Variants in C1GALT1 observed in about 807,000 individuals in gnomAD.
C1GALT1 encodes the protein core 1 synthase, glycoprotein-N-acetylgalactosamine 3-beta-galactosyltransferase 1, also known as glycoprotein-N-acetylgalactosamine 3-beta-galactosyltransferase 1.
Under a neutral mutation model 31.0 loss-of-function variants are expected in C1GALT1, and 11 were observed. The ratio of observed to expected loss-of-function variants is 0.36; its 90% confidence interval spans 0.22 to 0.59. The LOEUF (loss-of-function observed/expected upper bound fraction) is 0.59, where lower values mean the gene tolerates loss of function less well. Among genes scored for constraint, C1GALT1 ranks in the 20% least tolerant of loss-of-function variants. The pLI is 0.79. For missense variants in C1GALT1, 424 were observed against 425.2 expected, an observed-to-expected ratio of 1.00 and a Z score of 0.03; for synonymous variants, 175 against 143.6, an observed-to-expected ratio of 1.22 and a Z score of -1.56.
chr7:7,207,359 TTTTTTTG>T (rs1326444814), intron 1 of C1GALT1, among the ~76,000 whole-genome samples: 2 of 99,110 alleles, frequency 2.0e-5, no homozygotes, highest in African/African-American at 8.7e-5. Context: ...TTTTTTTTTT[TTTTTTTG>T]AGGTCTCACT....
At chr7:7,240,872 T>C (rs1200642187) in intron 3 of C1GALT1, among the ~76,000 whole-genome samples, 1 of 152,102 alleles carries the variant, frequency 6.6e-6, no homozygotes, top group Non-Finnish European at 1.5e-5. Context: ...ATCTTATACA[T>C]ACTTTTTTTT....
At chr7:7,236,107 A>G (rs1783329577) in intron 2 of C1GALT1, among the ~76,000 whole-genome samples, 1 of 152,186 alleles carries the variant, frequency 6.6e-6, no homozygotes, top group Admixed American at 6.5e-5. Flanking sequence ...CCTTCAGCAC[A>G]TTGAATCCTT....
chr7:7,158,643 TTATA>T (rs1167229956), intron 2 of C1GALT1, among the ~76,000 whole-genome samples: 1 of 151,084 alleles, frequency 6.6e-6, no homozygotes, highest in Non-Finnish European at 1.5e-5. Flanking sequence ...ATGTATCTAT[TTATA>T]TATGTATGCA....
intron 1 of C1GALT1, among the ~76,000 whole-genome samples, chr7:7,207,633 T>G (rs1443453199): frequency 6.6e-6 from 1 of 152,096 alleles, no homozygotes; most frequent in African/African-American, 2.4e-5. Flanking sequence ...AGGGACAATT[T>G]GTTAGTTTAT....
At chr7:7,168,051 A>G (rs1475258154) in intron 2 of C1GALT1, among the ~76,000 whole-genome samples, 1 of 152,228 alleles carries the variant, frequency 6.6e-6, no homozygotes, top group Admixed American at 6.5e-5. Context: ...GGAATGAACA[A>G]ATTCATGAAT....
intron 1 of C1GALT1, among the ~76,000 whole-genome samples, chr7:7,224,865 T>C (rs1354171564): frequency 2.6e-5 from 4 of 151,908 alleles, no homozygotes; most frequent in Non-Finnish European, 5.9e-5. Flanking sequence ...CATAGTGTAT[T>C]TAAGTGTATT....
At chr7:7,242,458 A>C (rs1353397735) in intron 3 of C1GALT1, among the ~76,000 whole-genome samples, 1 of 152,094 alleles carries the variant, frequency 6.6e-6, no homozygotes, top group African/African-American at 2.4e-5. Context: ...ATTTTTACAC[A>C]CTGTAAGCTA....
At chr7:7,195,559 C>T (rs1241227968) in intron 1 of C1GALT1, among the ~76,000 whole-genome samples, 1 of 151,990 alleles carries the variant, frequency 6.6e-6, no homozygotes, top group Non-Finnish European at 1.5e-5. Context: ...TTTTGATTTT[C>T]TTAAATTTGT....
At chr7:7,198,637 G>C (rs1781402802) in intron 1 of C1GALT1, among the ~76,000 whole-genome samples, 1 of 152,162 alleles carries the variant, frequency 6.6e-6, no homozygotes, top group Non-Finnish European at 1.5e-5. Context: ...ACCTCTGGTA[G>C]AATTCGGCTG....
At chr7:7,231,887 T>C (rs1783091334) in intron 1 of C1GALT1, among the ~76,000 whole-genome samples, 1 of 152,192 alleles carries the variant, frequency 6.6e-6, no homozygotes, top group Admixed American at 6.5e-5. Context: ...GATCATCCAG[T>C]CAGTGGCTGA....
At chr7:7,206,871 T>C (rs1359233109) in intron 1 of C1GALT1, among the ~76,000 whole-genome samples, 5 of 152,194 alleles carry the variant, frequency 3.3e-5, no homozygotes, top group Non-Finnish European at 1.5e-5. Context: ...ATTAGTTACT[T>C]CTTTCAGCTT....
upstream of C1GALT1, among the ~76,000 whole-genome samples, chr7:7,180,721 T>C (rs999902011): frequency 6.6e-6 from 1 of 152,212 alleles, no homozygotes; most frequent in South Asian, 2.1e-4. Context: ...GCATGTATTG[T>C]TTTTATAAAA....
chr7:7,244,496 T>A lies in C1GALT1; in HGVS notation c.*769T>A, dbSNP rs1163702338. The A allele has an allele frequency of 1.3e-5, 2 of 152,194 alleles. No homozygotes were observed. Among genetic ancestry groups the A allele is most frequent in the African/African-American group, 4.8e-5 (2 of 41,454 alleles). The allele number at this position is 152,194 out of a possible 1,614,324, so 9.4% of individuals were successfully genotyped here. ...AATTTACTCAAACCGTTCATAGCAT[T>A]CTGTAAACATGTATTTTACATATTT... On this transcript the variant is annotated 3_prime_UTR_variant, in exon 4 of 4. Coordinates refer to ENST00000436587, the MANE Select transcript of C1GALT1 (RefSeq NM_020156.5).
At chr7:7,191,835 G>C (rs982993455) in intron 1 of C1GALT1, among the ~76,000 whole-genome samples, 1 of 151,844 alleles carries the variant, frequency 6.6e-6, no homozygotes, top group African/African-American at 2.4e-5. Context: ...TTTTTTGTTT[G>C]AGTTTTAGGA....
chr7:7,217,094 A>G (rs1336695215), intron 1 of C1GALT1, among the ~76,000 whole-genome samples: 1 of 152,208 alleles, frequency 6.6e-6, no homozygotes, highest in Non-Finnish European at 1.5e-5. Flanking sequence ...TCCGCTGCAT[A>G]CTTACCAGTC....
intron 2 of C1GALT1, among the ~76,000 whole-genome samples, chr7:7,165,206 G>A (rs1780378320): frequency 6.6e-6 from 1 of 152,114 alleles, no homozygotes; most frequent in South Asian, 2.1e-4. Flanking sequence ...AGGAGCTCAG[G>A]CCAGGTTGTG....
chr7:7,162,585 T>C (rs1395231609), intron 2 of C1GALT1, among the ~76,000 whole-genome samples: 1 of 152,094 alleles, frequency 6.6e-6, no homozygotes, highest in East Asian at 1.9e-4. Context: ...TACATGTGCA[T>C]GTGTCTTTAT....
At chr7:7,164,104 G>T (rs1386842455) in intron 2 of C1GALT1, among the ~76,000 whole-genome samples, 3 of 152,102 alleles carry the variant, frequency 2.0e-5, no homozygotes, top group Non-Finnish European at 4.4e-5. Context: ...GCATGGTACT[G>T]GTACCAGAAC....
chr7:7,203,491 T>A (rs1343722477), intron 1 of C1GALT1, among the ~76,000 whole-genome samples: 1 of 152,152 alleles, frequency 6.6e-6, no homozygotes, highest in East Asian at 1.9e-4. Flanking sequence ...TAATGAGGTG[T>A]ATTGCCTTGA....
Sources: allele counts gnomAD v4.1 joint callset (sites outside exome capture counted in the v4.1 genomes callset), GRCh38; gene constraint gnomAD v4.1.1; transcripts MANE v1.5; gene names NCBI Gene and HGNC (gene_info 2026-07-23, HGNC 2026-07-21).